The following WIF1 variants were observed in gnomAD, a reference collection of about 807,000 sequenced individuals.
WIF1 encodes the protein Wnt inhibitory factor 1.
WIF1 carries 35 observed loss-of-function variants against 53.5 expected under a neutral mutation model. The observed-to-expected ratio is 0.65, with a 90% confidence interval of 0.50 to 0.87. The LOEUF (loss-of-function observed/expected upper bound fraction) is 0.87, where lower values mean the gene tolerates loss of function less well. Among genes scored for constraint, WIF1 ranks in the 40% least tolerant of loss-of-function variants. WIF1 has a pLI of 0.00. For missense variants in WIF1, 467 were observed against 476.8 expected (o/e 0.98, Z 0.19); for synonymous variants, 171 against 170.4 (o/e 1.00, Z -0.03).
intron 2 of WIF1, among the ~76,000 whole-genome samples, chr12:65,119,602 T>C (rs1468623765): frequency 6.7e-6 from 1 of 148,636 alleles, no homozygotes; most frequent in East Asian, 2.0e-4. Context: ...ATTATAATTA[T>C]AATGATTTTC....
intron 4 of WIF1, 100 bp from the exon 5 acceptor site, chr12:65,067,890 C>T (rs1391824237): frequency 3.1e-6 from 3 of 969,568 alleles, no homozygotes; most frequent in African/African-American, 3.3e-5. Context: ...TGTTCTAGCC[C>T]ACCAATTAAT....
rs1275758958 is a variant in WIF1 at position 65,120,424 on chromosome 12, G to A, written c.281C>T (p.Ala94Val). ...AATTTTCTCAGAACTTACCTGCCCT[G>A]CAGCTTGCCAGGTAAAATTCATGGA... ...IHSMNFTWQA[A>V]GQAEYFYEFL... The change falls in exon 2 of 10, where the codon GCA (alanine) becomes GTA (valine). Residue 94 changes from alanine (A) to valine (V), a missense_variant. Ala to Val is a moderately conservative substitution (Grantham distance 64). Coordinates refer to ENST00000286574, the MANE Select transcript of WIF1 (RefSeq NM_007191.5). 1 of 1,613,246 alleles carries A rather than the reference G, an allele frequency of 6.2e-7. No individual in the cohort carries two copies.
intron 9 of WIF1, among the ~76,000 whole-genome samples, chr12:65,051,693 A>C (rs969936337): frequency 1.3e-5 from 2 of 152,206 alleles, no homozygotes; most frequent in Non-Finnish European, 2.9e-5. Context: ...TTCCCTATAT[A>C]TTCTGGCCAT....
chr12:65,105,658 A>G, intron 2 of WIF1, among the ~76,000 whole-genome samples: 1 of 152,116 alleles, frequency 6.6e-6, no homozygotes, highest in East Asian at 1.9e-4. Context: ...CCACTTTCTA[A>G]GAACCCACTT....
chr12:65,090,724 A>G, intron 2 of WIF1, among the ~76,000 whole-genome samples: 1 of 152,208 alleles, frequency 6.6e-6, no homozygotes, highest in East Asian at 1.9e-4. Context: ...CAAGGAAGCC[A>G]GTGTCTACTT....
intron 3 of WIF1, among the ~76,000 whole-genome samples, chr12:65,074,997 T>C (rs1315412913): frequency 6.6e-6 from 1 of 152,022 alleles, no homozygotes; most frequent in African/African-American, 2.4e-5. Context: ...GGAATCAGCG[T>C]ATCCACATCT....
At chr12:65,107,500 A>T (rs1883368507) in intron 2 of WIF1, among the ~76,000 whole-genome samples, 2 of 152,112 alleles carry the variant, frequency 1.3e-5, no homozygotes, top group Admixed American at 1.3e-4. Flanking sequence ...AGCTCCTGTA[A>T]CCCCAGCTAC....
intron 2 of WIF1, among the ~76,000 whole-genome samples, chr12:65,120,092 T>C (rs552530656): frequency 6.6e-6 from 1 of 152,344 alleles, no homozygotes; most frequent in African/African-American, 2.4e-5. Context: ...AAAAGAGTCC[T>C]TTAAGTATGT....
chr12:65,109,892 T>C (rs191457771), intron 2 of WIF1, among the ~76,000 whole-genome samples: 7 of 152,320 alleles, frequency 4.6e-5, no homozygotes, highest in African/African-American at 1.2e-4. Flanking sequence ...GTATATACCA[T>C]GTAACTAATG....
At chr12:65,118,188 C>A (rs1883540975) in intron 2 of WIF1, among the ~76,000 whole-genome samples, 1 of 152,106 alleles carries the variant, frequency 6.6e-6, no homozygotes, top group African/African-American at 2.4e-5. Context: ...TATTTGATAT[C>A]ATTTGGATGA....
rs1344237169 is a variant in WIF1 at position 65,056,013 on chromosome 12, T to C, written c.922+18A>G. 1 of 1,607,294 alleles carries C rather than the reference T, an allele frequency of 6.2e-7. No individual in the cohort carries two copies. Among genetic ancestry groups the C allele is most frequent in the Non-Finnish European group, 8.5e-7 (1 of 1,177,222 alleles). On this transcript the variant is annotated intron_variant, in intron 8 of 9. Coordinates refer to ENST00000286574, the MANE Select transcript of WIF1 (RefSeq NM_007191.5). ...ACGACCTAGTAGCCCAGATTGGCAA[T>C]GTGTATGGGGTACTTACGCTTTGAA...
chr12:65,056,707 T>C (rs536216676), intron 7 of WIF1, among the ~76,000 whole-genome samples: 3 of 152,306 alleles, frequency 2.0e-5, no homozygotes, highest in African/African-American at 7.2e-5. Context: ...TGGAGTGCAG[T>C]GGCAGGATCT....
chr12:65,115,335 T>C (rs1883492510), intron 2 of WIF1, among the ~76,000 whole-genome samples: 1 of 152,154 alleles, frequency 6.6e-6, no homozygotes, highest in South Asian at 2.1e-4. Context: ...ATTTATATAA[T>C]CTACATAAAT....
In WIF1 at chr12:65,051,280, A is replaced by T. The variant is rs1255970620; in HGVS notation, c.*69T>A. The T allele has an allele frequency of 5.2e-6, 8 of 1,536,296 alleles. No individual in the cohort carries two copies. The South Asian group carries it at 1.0e-4, about 19-fold the overall frequency. On this transcript the variant is annotated 3_prime_UTR_variant, in exon 10 of 10. Transcript: ENST00000286574. ...TAAGTGTAATGAACATTATTTGAAC[A>T]TTCAACACATGAAAGGTTAACAAAG...
chr12:65,120,719 G>C, intron 1 of WIF1, 163 bp from the exon 2 acceptor site: 1 of 904,694 alleles, frequency 1.1e-6, no homozygotes, highest in Non-Finnish European at 1.6e-6. Context: ...TTTTCTCTGT[G>C]GATGATGAGA....
intron 2 of WIF1, 135 bp downstream of exon 2, chr12:65,120,282 T>C (rs1883580219): frequency 1.1e-6 from 1 of 933,772 alleles, no homozygotes; most frequent in Non-Finnish European, 1.5e-6. Flanking sequence ...AAATTAATTC[T>C]TTATTTGCTT....
At chr12:65,051,586 C>T (rs1882442909) in intron 9 of WIF1, 116 bp from the exon 10 acceptor site, 8 of 1,280,694 alleles carry the variant, frequency 6.2e-6, no homozygotes, top group African/African-American at 6.1e-5. Flanking sequence ...AATGAAAAAC[C>T]GCAATGACCA....
Position 65,112,404 on chromosome 12 carries a change from T to TCTCACACACACA in WIF1, c.288+8012_288+8013insTGTGTGTGTGAG, listed in dbSNP as rs1555188370. 3.6e-4 allele frequency among the ~76,000 whole-genome samples: 44 copies of TCTCACACACACA among 123,536 alleles called. 1 individual carries two copies. Among genetic ancestry groups the TCTCACACACACA allele is most frequent in the African/African-American group, 1.2e-3 (41 of 34,886 alleles). The allele number at this position is 123,536 out of a possible 152,430, so 81.0% of individuals were successfully genotyped here. A position where few individuals can be genotyped will look rare whatever the true frequency, so the allele number is the denominator to read the frequency against. On this transcript the variant is annotated intron_variant, in intron 2 of 9. Coordinates refer to ENST00000286574, the MANE Select transcript of WIF1 (RefSeq NM_007191.5). ...ATTTTTTTACAGTTCCCTGCTCTAATCACACACACACACACACACACACAC... is the reference window on the plus strand; with the variant it reads ...ATTTTTTTACAGTTCCCTGCTCTAATCTCACACACACACACACACACACACACACACACACAC...
At chr12:65,120,967 C>T (rs140531288) in intron 1 of WIF1, 77 bp downstream of exon 1, 2 of 1,349,418 alleles carry the variant, frequency 1.5e-6, no homozygotes, top group African/African-American at 1.5e-5. Flanking sequence ...ACACAAGAAA[C>T]GCAGGTATCC....
Sources: allele counts gnomAD v4.1 joint callset (sites outside exome capture counted in the v4.1 genomes callset), GRCh38; gene constraint gnomAD v4.1.1; transcripts MANE v1.5; gene names NCBI Gene and HGNC (gene_info 2026-07-23, HGNC 2026-07-21).